The following TRAPPC10 variants were observed in gnomAD, a reference collection of about 807,000 sequenced individuals.
The protein encoded by TRAPPC10 is TRAPP 130 kDa subunit.
Under a neutral mutation model 125.5 loss-of-function variants are expected in TRAPPC10, and 23 were observed. That is an observed-to-expected ratio of 0.18 (90% CI 0.13 to 0.26). TRAPPC10 has a LOEUF of 0.26. Ranked by LOEUF, TRAPPC10 falls within the 10% of genes least tolerant of loss-of-function variation. TRAPPC10 has a pLI of 1.00. For synonymous variants in TRAPPC10, 509 were observed against 518.0 expected, an observed-to-expected ratio of 0.98 and a Z score of 0.24; for missense variants, 1,123 against 1,308.4, an observed-to-expected ratio of 0.86 and a Z score of 2.19.
intron 1 of TRAPPC10, among the ~76,000 whole-genome samples, chr21:44,014,598 T>TG (rs969558777): frequency 6.0e-5 from 9 of 150,844 alleles, no homozygotes; most frequent in African/African-American, 1.7e-4. Context: ...TTTTTGTTTT[T>TG]TTTTTTTTTC....
chr21:44,063,396 C>G lies in TRAPPC10; in HGVS notation c.791-142C>G. 7.5e-7 allele frequency: 1 copy of G among 1,325,322 alleles called. No homozygotes were observed. Among genetic ancestry groups the G allele is most frequent in the South Asian group, 1.4e-5 (1 of 72,418 alleles). The allele number at this position is 1,325,322 out of a possible 1,614,324, so 82.1% of individuals were successfully genotyped here. The stretch of plus-strand genomic sequence containing the variant: ...TCAGTGCTGGGAGCCGAATGCATCA[C>G]TAGACCACAGGGGGTGGGCCAGTGT... On this transcript the variant is annotated intron_variant, in intron 6 of 22. Coordinates refer to ENST00000291574, the MANE Select transcript of TRAPPC10 (RefSeq NM_003274.5). The surrounding 1 kb of genome is among the most constrained non-coding windows in gnomAD (Gnocchi z 4.4).
chr21:44,075,818 G>A (rs1156567933), intron 9 of TRAPPC10, among the ~76,000 whole-genome samples: 2 of 152,194 alleles, frequency 1.3e-5, no homozygotes, highest in Admixed American at 6.5e-5. Flanking sequence ...GGGAGGCCGA[G>A]GTGGGCGGAT....
chr21:44,074,167 TTCTC>T (rs2037099027), intron 7 of TRAPPC10, among the ~76,000 whole-genome samples, 153 bp from the exon 8 acceptor site: 1 of 152,182 alleles, frequency 6.6e-6, no homozygotes, highest in Non-Finnish European at 1.5e-5. Context: ...CTTTGCCCCT[TTCTC>T]TCTCCTGTAG....
chr21:44,045,152 C>T (rs563847683), intron 3 of TRAPPC10, among the ~76,000 whole-genome samples: 1 of 152,224 alleles, frequency 6.6e-6, no homozygotes, highest in South Asian at 2.1e-4. Context: ...TCAGGCTGGT[C>T]TCGAACTCCT....
chr21:44,015,636 A>T (rs2031746978), intron 1 of TRAPPC10, among the ~76,000 whole-genome samples: 1 of 148,880 alleles, frequency 6.7e-6, no homozygotes. Flanking sequence ...TCTGTCTGAG[A>T]CAGAGTCTTG....
chr21:44,076,756 CTT>C, intron 10 of TRAPPC10, 128 bp downstream of exon 10: 1 of 657,972 alleles, frequency 1.5e-6, no homozygotes, highest in Non-Finnish European at 2.6e-6. Flanking sequence ...TTTTTAGTTT[CTT>C]TGGTACCTGG....
intron 1 of TRAPPC10, among the ~76,000 whole-genome samples, chr21:44,019,375 A>G (rs777279760): frequency 5.9e-5 from 9 of 152,100 alleles, no homozygotes; most frequent in Non-Finnish European, 1.3e-4. Context: ...AACAGTCAAA[A>G]CATTCCCACC....
intron 1 of TRAPPC10, among the ~76,000 whole-genome samples, chr21:44,019,870 C>T (rs564852410): frequency 7.9e-5 from 12 of 152,286 alleles, no homozygotes; most frequent in Admixed American, 1.3e-4. Context: ...GTTTGTCCTT[C>T]GTGTACTCCT....
At position 44,032,027 on chromosome 21, in the gene TRAPPC10, T is replaced by C. The variant is rs1185375488; in HGVS notation, c.68-64T>C. On this transcript the variant is annotated intron_variant, in intron 1 of 22. Transcript: ENST00000291574. ...CTAAAAACACCAATTTATTAAGCTCTAGAGCCATTTTGCATGTATTCACCT... is the reference window on the plus strand; with the variant it reads ...CTAAAAACACCAATTTATTAAGCTCCAGAGCCATTTTGCATGTATTCACCT... 2.2e-6 allele frequency: 3 copies of C among 1,339,876 alleles called. No homozygotes were observed. In the African/African-American group the frequency reaches 4.4e-5, roughly 20 times the overall value. The allele number at this position is 1,339,876 out of a possible 1,614,324, so 83.0% of individuals were successfully genotyped here.
At chr21:44,045,707 A>T (rs7282644) in intron 3 of TRAPPC10, among the ~76,000 whole-genome samples, 1 of 152,010 alleles carries the variant, frequency 6.6e-6, no homozygotes, top group Non-Finnish European at 1.5e-5. Flanking sequence ...GCCCGCCACC[A>T]TGCCCAGCTA....
rs2038213352 is a variant in TRAPPC10 at position 44,087,389 on chromosome 21, G to T, written c.2540-310G>T. Reference sequence around the variant, plus strand: ...AGGACCCTGCTCCCCTGGGGTGGGGGTGGATCTGCGGATGAGCTGGAACGG... The same window carrying T: ...AGGACCCTGCTCCCCTGGGGTGGGGTTGGATCTGCGGATGAGCTGGAACGG... On this transcript the variant is annotated intron_variant, in intron 16 of 22. Coordinates refer to ENST00000291574, the MANE Select transcript of TRAPPC10 (RefSeq NM_003274.5). The surrounding 1 kb of genome is among the most constrained non-coding windows in gnomAD (Gnocchi z 4.6). Among the ~76,000 whole-genome samples the T allele has an allele frequency of 6.6e-6, 1 of 152,200 alleles. No homozygotes were observed. Among genetic ancestry groups the T allele is most frequent in the Non-Finnish European group, 1.5e-5 (1 of 68,026 alleles).
At chr21:44,051,279 G>T (rs536929304) in intron 3 of TRAPPC10, among the ~76,000 whole-genome samples, 1 of 152,164 alleles carries the variant, frequency 6.6e-6, no homozygotes, top group Non-Finnish European at 1.5e-5. Context: ...AGAGTGACTT[G>T]AAAGTCCGGA....
intron 4 of TRAPPC10, among the ~76,000 whole-genome samples, chr21:44,053,311 A>G (rs2035351354): frequency 6.6e-6 from 1 of 152,176 alleles, no homozygotes; most frequent in African/African-American, 2.4e-5. Flanking sequence ...CATACATAAT[A>G]CGTGTGTGTA....
At chr21:44,033,628 A>G (rs1266731566) in intron 2 of TRAPPC10, among the ~76,000 whole-genome samples, 1 of 152,218 alleles carries the variant, frequency 6.6e-6, no homozygotes, top group Non-Finnish European at 1.5e-5. Flanking sequence ...TAGGAGGGTC[A>G]GGTGGGAGGA....
At chr21:44,016,468 C>T (rs1033577297) in intron 1 of TRAPPC10, among the ~76,000 whole-genome samples, 2 of 152,164 alleles carry the variant, frequency 1.3e-5, no homozygotes, top group African/African-American at 4.8e-5. Context: ...AGTACCCTCC[C>T]TCTAGGTGAT....
Position 44,087,812 on chromosome 21 carries a change from T to C in TRAPPC10, c.2653T>C (p.Leu885=). Residue 885 remains leucine (L), a synonymous_variant, in exon 17 of 23, where the codon TTA becomes CTA. Transcript: ENST00000291574. This position sits in a 1 kb window ranked among gnomAD's most constrained non-coding sequence, Gnocchi z 4.6. ...CGAATTTGAACTGGAAGTTCTCTCT[T>C]TACCTTCAGCCCCAGCACTCGGAGG... is the stretch of plus-strand genomic sequence containing the variant. ...VIEFELEVLS[L]PSAPALGGES... is the part of the protein sequence containing the mutation. 6.2e-7 allele frequency: 1 copy of C among 1,614,188 alleles called. No individual in the cohort carries two copies. The highest frequency in any genetic ancestry group is 1.1e-5 in the South Asian group (1 of 91,084).
intron 1 of TRAPPC10, among the ~76,000 whole-genome samples, chr21:44,016,947 G>C (rs533426293): frequency 6.6e-6 from 1 of 152,182 alleles, no homozygotes; most frequent in Non-Finnish European, 1.5e-5. Context: ...GAGCCACCGC[G>C]CCCAGCCAGG....
chr21:44,020,394 G>A (rs139807006), intron 1 of TRAPPC10, among the ~76,000 whole-genome samples: 2,919 of 152,062 alleles, frequency 0.019, 80 homozygotes, highest in African/African-American at 0.067. Context: ...TCAAAGTGCT[G>A]GATTACAGGC....
chr21:44,073,393 A>G (rs763280585), intron 7 of TRAPPC10, among the ~76,000 whole-genome samples: 1 of 152,214 alleles, frequency 6.6e-6, no homozygotes, highest in African/African-American at 2.4e-5. Context: ...CACCAGAGAA[A>G]AAGTCAGCAT....
Sources: allele counts gnomAD v4.1 joint callset (sites outside exome capture counted in the v4.1 genomes callset), GRCh38; gene constraint gnomAD v4.1.1; non-coding constraint Gnocchi (gnomAD v3.1); transcripts MANE v1.5; gene names NCBI Gene and HGNC (gene_info 2026-07-23, HGNC 2026-07-21).